The following POLR2B variants were observed in gnomAD, a reference collection of about 807,000 sequenced individuals.
The protein encoded by POLR2B is RNA polymerase II subunit B, also known as DNA-directed RNA polymerase II subunit RPB2.
A neutral mutation model predicts 144.6 loss-of-function variants in POLR2B; 57 were observed. The observed-to-expected ratio is 0.39, with a 90% CI of 0.32 to 0.49. The LOEUF is 0.49. Ranked by LOEUF, POLR2B falls within the 20% of genes least tolerant of loss-of-function variation. POLR2B has a pLI of 0.83. For synonymous variants in POLR2B, 442 were observed against 469.8 expected (o/e 0.94, Z 0.77); for missense variants, 595 against 1,467.4 (o/e 0.41, Z 9.71).
At chr4:57,004,230 T>C (rs1722948908) in intron 7 of POLR2B, among the ~76,000 whole-genome samples, 1 of 135,648 alleles carries the variant, frequency 7.4e-6, no homozygotes, top group South Asian at 2.7e-4. Context: ...TTTCACTGTG[T>C]TGGCCAGGCT....
At chr4:57,008,542 C>T (rs1723095740) in intron 10 of POLR2B, among the ~76,000 whole-genome samples, 1 of 152,186 alleles carries the variant, frequency 6.6e-6, no homozygotes, top group African/African-American at 2.4e-5. Flanking sequence ...ATGTGCCAGG[C>T]ACTCTGCCAC....
At chr4:56,990,597 C>G (rs1722483192) in intron 2 of POLR2B, 151 bp from the exon 3 acceptor site, 1 of 614,748 alleles carries the variant, frequency 1.6e-6, no homozygotes, top group South Asian at 2.4e-5. Flanking sequence ...TTTTAAGATA[C>G]CTCATAGTGT....
intron 13 of POLR2B, among the ~76,000 whole-genome samples, chr4:57,011,525 C>T (rs1191290912): frequency 6.9e-6 from 1 of 144,710 alleles, no homozygotes; most frequent in Non-Finnish European, 1.5e-5. Flanking sequence ...GGGTCTCTGT[C>T]TCAAAAAATA....
chr4:57,002,857 A>G (rs1722898202), intron 7 of POLR2B: 1 of 151,926 alleles, frequency 6.6e-6, no homozygotes. Context: ...TTTGTGGACC[A>G]GTGATAAAAA....
At chr4:57,014,835 CCCAAAGTATT>C (rs1177814286) in intron 13 of POLR2B, among the ~76,000 whole-genome samples, 1 of 152,108 alleles carries the variant, frequency 6.6e-6, no homozygotes, top group Non-Finnish European at 1.5e-5. Context: ...CTTGATACAT[CCCAAAGTATT>C]ACATCAACAT....
chr4:56,992,027 C>T (rs1315006), intron 3 of POLR2B, among the ~76,000 whole-genome samples: 28,072 of 151,952 alleles, frequency 0.18, 3,196 homozygotes, highest in Non-Finnish European at 0.26. Flanking sequence ...GCAAATTGAA[C>T]GTGCCAGTAA....
chr4:57,027,084 C>T (rs780300642), intron 23 of POLR2B, among the ~76,000 whole-genome samples: 6 of 152,086 alleles, frequency 3.9e-5, no homozygotes, highest in Admixed American at 6.5e-5. Flanking sequence ...TCTCGGCTCA[C>T]GGCAACCTCC....
rs28568388 is a variant in POLR2B at position 57,020,057 on chromosome 4, C to T, written c.2324-842C>T. Among the ~76,000 whole-genome samples, 943 of 152,094 alleles carry T rather than the reference C, an allele frequency of 6.2e-3. 11 individuals are homozygous for T. The highest frequency in any genetic ancestry group is 0.021 in the African/African-American group (882 of 41,482). The stretch of plus-strand genomic sequence containing the variant: ...GTTATTTTATTTTATTTTTTTGAGA[C>T]GGATTCTCGCTCTGCCACCAGGCTG... On this transcript the variant is annotated intron_variant, in intron 16 of 24. Transcript: ENST00000314595.
intron 23 of POLR2B, among the ~76,000 whole-genome samples, chr4:57,025,796 TTGA>T: frequency 6.6e-6 from 1 of 152,114 alleles, no homozygotes; most frequent in East Asian, 1.9e-4. Flanking sequence ...CCCTGCAGCC[TTGA>T]ACTGGGCACA....
intron 10 of POLR2B, among the ~76,000 whole-genome samples, chr4:57,008,396 G>C (rs914673350): frequency 6.6e-6 from 1 of 152,082 alleles, no homozygotes; most frequent in East Asian, 1.9e-4. Context: ...TAGAGACGGG[G>C]TTTTGCCGTG....
At chr4:57,011,684 G>A (rs1045483221) in intron 13 of POLR2B, among the ~76,000 whole-genome samples, 2 of 151,906 alleles carry the variant, frequency 1.3e-5, no homozygotes, top group African/African-American at 4.8e-5. Flanking sequence ...TTAGCTGGGC[G>A]TGGTGGCGCG....
chr4:57,002,037 T>G (rs1722870560), intron 7 of POLR2B, among the ~76,000 whole-genome samples: 1 of 152,156 alleles, frequency 6.6e-6, no homozygotes, highest in Non-Finnish European at 1.5e-5. Context: ...ACATACCTTA[T>G]TATTATTTGA....
intron 17 of POLR2B, among the ~76,000 whole-genome samples, chr4:57,021,637 C>T (rs1723553676): frequency 6.6e-6 from 1 of 151,148 alleles, no homozygotes; most frequent in Non-Finnish European, 1.5e-5. Context: ...TACAGGCACG[C>T]ACCACCATGC....
chr4:56,999,863 G>C (rs1443670237), intron 7 of POLR2B, 82 bp downstream of exon 7: 3 of 977,840 alleles, frequency 3.1e-6, no homozygotes, highest in Non-Finnish European at 4.6e-6. Context: ...AAACATAGTA[G>C]AAAGCTGTTC....
At chr4:57,009,366 A>G (rs913761060) in intron 10 of POLR2B, among the ~76,000 whole-genome samples, 2 of 152,120 alleles carry the variant, frequency 1.3e-5, no homozygotes, top group African/African-American at 4.8e-5. Context: ...CAGGAGTGTA[A>G]GGAGACTGGT....
Position 57,023,349 on chromosome 4 carries a change from C to T in POLR2B, c.2535C>T (p.Tyr845=), listed in dbSNP as rs149661153. The change falls in exon 19 of 25, where the codon TAC becomes TAT. Residue 845 remains tyrosine (Y), a synonymous_variant. Transcript: ENST00000314595. The surrounding 1 kb of genome is among the most constrained non-coding windows in gnomAD (Gnocchi z 4.3). ...ETCQGMRHAI[Y]DKLDDDGLIA... ...TCACAGGCATGAGGCATGCCATTTA[C>T]GACAAGCTGGATGATGATGGTTTGA... The T allele has an allele frequency of 5.0e-6, 8 of 1,613,932 alleles. No homozygotes were observed. Among genetic ancestry groups the T allele is most frequent in the East Asian group, 2.2e-5 (1 of 44,870 alleles).
At chr4:56,992,464 CAAAAAAAAAAAAAAA>C (rs1209234628) in intron 3 of POLR2B, among the ~76,000 whole-genome samples, 2 of 17,140 alleles carry the variant, frequency 1.2e-4, no homozygotes, top group Admixed American at 1.3e-3. Context: ...GACTCTGTCT[CAAAAAAAAAAAAAAA>C]AAAAAAAAAA....
chr4:57,021,555 T>G (rs796231483), intron 17 of POLR2B, among the ~76,000 whole-genome samples: 10 of 150,696 alleles, frequency 6.6e-5, no homozygotes, highest in African/African-American at 2.2e-4. Flanking sequence ...GGTGCAATCT[T>G]GGCTCACTTG....
Position 57,005,612 on chromosome 4 carries a change from T to C in POLR2B, c.1110T>C (p.His370=). Residue 370 remains histidine, a synonymous_variant, in exon 9 of 25, where the codon CAT becomes CAC. Transcript: ENST00000314595. The stretch of plus-strand genomic sequence containing the variant: ...TTTTTTTTTAAAGATACATGGTTCA[T>C]AGGTTACTTCTGGCAGCTTTGGGTA... ...KKAYFLGYMV[H]RLLLAALGRR... is the part of the protein sequence containing the mutation. 2 of 1,602,534 alleles carry C rather than the reference T, an allele frequency of 1.2e-6. No individual in the cohort carries two copies. The highest frequency in any genetic ancestry group is 1.7e-6 in the Non-Finnish European group (2 of 1,173,514).
Sources: allele counts gnomAD v4.1 joint callset (sites outside exome capture counted in the v4.1 genomes callset), GRCh38; gene constraint gnomAD v4.1.1; non-coding constraint Gnocchi (gnomAD v3.1); transcripts MANE v1.5; gene names NCBI Gene and HGNC (gene_info 2026-07-23, HGNC 2026-07-21).